Variants in CD109 observed in about 807,000 individuals in gnomAD.
CD109 encodes the protein CD109 molecule, also known as CD109 antigen.
CD109 carries 149 observed loss-of-function variants against 165.8 expected under a neutral mutation model. That is an observed-to-expected ratio of 0.90 (90% CI 0.79 to 1.03). The LOEUF (loss-of-function observed/expected upper bound fraction) is 1.03. Ranked by LOEUF, CD109 falls within the 50% of genes least tolerant of loss-of-function variation. The pLI, the probability that CD109 is intolerant of heterozygous loss-of-function variation, is 0.00. For synonymous variants in CD109, 585 were observed against 592.1 expected (o/e 0.99, Z 0.18); for missense variants, 1,712 against 1,677.8 (o/e 1.02, Z -0.36).
intron 4 of CD109, among the ~76,000 whole-genome samples, chr6:73,733,487 C>A (rs988463824): frequency 6.6e-6 from 1 of 152,174 alleles, no homozygotes; most frequent in East Asian, 1.9e-4. Context: ...GGCCTTTTGG[C>A]AGTAGAAAAA....
intron 22 of CD109, among the ~76,000 whole-genome samples, chr6:73,791,117 G>A (rs867557391): frequency 1.7e-4 from 11 of 65,278 alleles, no homozygotes; most frequent in African/African-American, 5.0e-4. Flanking sequence ...TTATTTGGAG[G>A]CATATATATA....
rs74898972 is a variant in CD109 at position 73,773,749 on chromosome 6, A to G, written c.1827+2168A>G. ...TTGCTCGTGTACAGATTTTAGTTCC[A>G]TGTTACCATAGATTGCCTTTCAATC... On this transcript the variant is annotated intron_variant, in intron 15 of 32. Transcript: ENST00000287097. Among the ~76,000 whole-genome samples, 1,084 of 152,094 alleles carry G rather than the reference A, an allele frequency of 7.1e-3. 15 individuals carry two copies. Among genetic ancestry groups the G allele is most frequent in the African/African-American group, 0.025 (1,030 of 41,496 alleles).
chr6:73,799,444 T>C (rs1775288477), intron 23 of CD109, among the ~76,000 whole-genome samples: 1 of 152,166 alleles, frequency 6.6e-6, no homozygotes, highest in South Asian at 2.1e-4. Context: ...GGGTAATTTA[T>C]AAGGAAAGAG....
At chr6:73,814,940 T>C (rs200405281) in intron 29 of CD109, 41 bp from the exon 30 acceptor site, 6 of 1,421,446 alleles carry the variant, frequency 4.2e-6, no homozygotes, top group Non-Finnish European at 5.5e-6. Context: ...TGATGGAAAT[T>C]TATGTCCAAC....
At chr6:73,681,440 C>A in the CD109 span, among the ~76,000 whole-genome samples, 5,196 of 151,652 alleles carry the variant, frequency 0.034, 230 homozygotes, top group East Asian at 0.23. Flanking sequence ...AGTCTGTTTT[C>A]ACGCTGCTGA....
At chr6:73,689,003 C>G in the CD109 span, among the ~76,000 whole-genome samples, 1 of 152,072 alleles carries the variant, frequency 6.6e-6, no homozygotes, top group African/African-American at 2.4e-5. Flanking sequence ...CTCCTGAGCT[C>G]AAGCAGTACT....
chr6:73,772,028 A>G (rs905176905), intron 15 of CD109, among the ~76,000 whole-genome samples: 1 of 152,258 alleles, frequency 6.6e-6, no homozygotes, highest in Admixed American at 6.5e-5. Context: ...ATTGTACTCC[A>G]TAAATATATA....
intron 15 of CD109, among the ~76,000 whole-genome samples, chr6:73,773,074 C>G (rs1436985297): frequency 1.3e-5 from 2 of 150,750 alleles, no homozygotes; most frequent in Non-Finnish European, 3.0e-5. Flanking sequence ...TTCATTTTTT[C>G]TTCCCTACAT....
chr6:73,695,886 C>T (rs1228675180), upstream of CD109: 2 of 365,974 alleles, frequency 5.5e-6, no homozygotes, highest in Non-Finnish European at 1.0e-5. Flanking sequence ...CCCGGTGGGC[C>T]GGGGAAGTGG....
Position 73,808,228 on chromosome 6 carries a change from C to CT in CD109, c.3337dup (p.Trp1113LeufsTer21), listed in dbSNP as rs1216533026. ...GCGAAGGAAGCTTTGAATATGCTGACTTGGAGAGCAGAACAAGAAGGTAAT... is the reference window on the plus strand; with the variant it reads ...GCGAAGGAAGCTTTGAATATGCTGACTTTGGAGAGCAGAACAAGAAGGTAAT... On this transcript the variant is annotated frameshift_variant, in exon 26 of 33. Coordinates refer to ENST00000287097, the MANE Select transcript of CD109 (RefSeq NM_133493.5). LOFTEE classifies it high-confidence loss of function. The CT allele has an allele frequency of 6.2e-7, 1 of 1,612,926 alleles. No homozygotes were observed. Among genetic ancestry groups the CT allele is most frequent in the African/African-American group, 1.3e-5 (1 of 74,824 alleles).
At chr6:73,806,263 C>CA (rs1040259865) in intron 24 of CD109, among the ~76,000 whole-genome samples, 11 of 147,282 alleles carry the variant, frequency 7.5e-5, no homozygotes, top group African/African-American at 2.8e-4. Context: ...ATCGCAAGGA[C>CA]AAAAAACCAA....
intron 15 of CD109, among the ~76,000 whole-genome samples, chr6:73,775,575 C>G (rs9765872): frequency 1.1e-4 from 17 of 152,066 alleles, no homozygotes; most frequent in African/African-American, 4.1e-4. Context: ...ACATAGGCAA[C>G]CTTGTGTCAT....
intron 25 of CD109, 103 bp from the exon 26 acceptor site, chr6:73,807,980 C>T (rs1283085347): frequency 3.1e-6 from 3 of 956,944 alleles, no homozygotes; most frequent in Non-Finnish European, 4.7e-6. Context: ...ACTTCATAGA[C>T]ACTGAACTTA....
chr6:73,771,567 A>G lies in CD109; in HGVS notation c.1813A>G (p.Ile605Val), dbSNP rs749792704. 1 of 1,572,994 alleles carries G rather than the reference A, an allele frequency of 6.4e-7. No individual in the cohort carries two copies. Among genetic ancestry groups the G allele is most frequent in the Admixed American group, 2.0e-5 (1 of 50,882 alleles). The change falls in exon 15 of 33, where the codon ATT (isoleucine) becomes GTT (valine). Residue 605 changes from isoleucine (I) to valine (V), a missense_variant. Coordinates refer to ENST00000287097, the MANE Select transcript of CD109 (RefSeq NM_133493.5). ...GAATCTGATGAATGCCTCTAATGAT[A>G]TTACAATGGAAAATGTGAGTTTAGC... ...SVNLMNASND[I>V]TMENVVHELE...
At chr6:73,747,606 GACCTTTAAAACTATCT>G (rs1424256402) in intron 5 of CD109, among the ~76,000 whole-genome samples, 6 of 152,210 alleles carry the variant, frequency 3.9e-5, no homozygotes, top group East Asian at 3.9e-4. Context: ...CTGAGTTCTA[GACCTTTAAAACTATCT>G]ACCTTTAAAA....
At chr6:73,684,928 TTC>T in the CD109 span, among the ~76,000 whole-genome samples, 1 of 151,838 alleles carries the variant, frequency 6.6e-6, no homozygotes, top group African/African-American at 2.4e-5. Context: ...CCATTTTTTT[TTC>T]TTTTTTTTTT....
chr6:73,740,473 C>CT (rs1772729035), intron 5 of CD109, among the ~76,000 whole-genome samples: 1 of 152,040 alleles, frequency 6.6e-6, no homozygotes. Context: ...CCGTGTTAAC[C>CT]TTTCTGGATT....
chr6:73,732,415 G>C (rs1772399814), intron 4 of CD109, among the ~76,000 whole-genome samples: 1 of 152,200 alleles, frequency 6.6e-6, no homozygotes, highest in Non-Finnish European at 1.5e-5. Context: ...CATTATTTCA[G>C]AGTTTGCCTT....
chr6:73,685,998 C>G, the CD109 span, among the ~76,000 whole-genome samples: 1 of 152,138 alleles, frequency 6.6e-6, no homozygotes, highest in Non-Finnish European at 1.5e-5. Flanking sequence ...TGTCTTATTC[C>G]TGATCTTAAA....
Sources: gnomAD v4.1 joint callset for allele counts (sites outside exome capture counted in the v4.1 genomes callset) on GRCh38, gnomAD v4.1.1 for gene constraint, MANE v1.5 for transcripts, NCBI Gene and HGNC (gene_info 2026-07-23, HGNC 2026-07-21) for gene names.